SLIT3: variants seen among roughly 807,000 people sequenced by gnomAD.
SLIT3 encodes slit homolog 3 protein.
In SLIT3, 68 loss-of-function variants were observed where a neutral mutation model predicts 184.0. The observed-to-expected ratio is 0.37, with a 90% CI of 0.30 to 0.45. SLIT3 has a LOEUF of 0.45. Ranked by LOEUF, SLIT3 falls within the 20% of genes least tolerant of loss-of-function variation. SLIT3 has a pLI of 1.00. For missense variants in SLIT3, 1,707 were observed against 2,026.0 expected (o/e 0.84, Z 3.02); for synonymous variants, 831 against 828.6 (o/e 1.00, Z -0.05).
intron 4 of SLIT3, among the ~76,000 whole-genome samples, chr5:169,121,125 C>T (rs139342528): frequency 6.6e-6 from 1 of 152,290 alleles, no homozygotes; most frequent in East Asian, 1.9e-4. Context: ...ATTCCAAAGT[C>T]TATGTTCTCA....
intron 1 of SLIT3, among the ~76,000 whole-genome samples, chr5:169,276,372 G>C (rs914847223): frequency 2.6e-5 from 4 of 152,120 alleles, no homozygotes. Context: ...AGTGTGGTTG[G>C]CCTCCCATCT....
Position 168,855,583 on chromosome 5 carries a change from T to G in SLIT3, c.486-10928A>C, listed in dbSNP as rs149460410. Among the ~76,000 whole-genome samples, 64 of 152,334 alleles carry G rather than the reference T, an allele frequency of 4.2e-4. No homozygotes were observed. In the East Asian group the frequency reaches 7.1e-3, roughly 17 times the overall value. ...TGATGTATGCGGCAACATGGATGAC[T>G]CTTGAAAACATTACGCTAAGTGAAA... On this transcript the variant is annotated intron_variant, in intron 5 of 35. Transcript: ENST00000519560.
intron 3 of SLIT3, among the ~76,000 whole-genome samples, chr5:169,201,203 T>C (rs893164236): frequency 1.3e-5 from 2 of 152,218 alleles, no homozygotes; most frequent in African/African-American, 4.8e-5. Context: ...TTTTTTAGTT[T>C]GTAAGTTCTG....
intron 4 of SLIT3, among the ~76,000 whole-genome samples, chr5:168,944,504 C>T (rs937046136): frequency 1.3e-5 from 2 of 152,042 alleles, no homozygotes; most frequent in African/African-American, 4.8e-5. Flanking sequence ...GCACTGCTTC[C>T]CTTCTCATTT....
At chr5:169,208,329 G>C (rs1764145396) in intron 3 of SLIT3, among the ~76,000 whole-genome samples, 1 of 152,150 alleles carries the variant, frequency 6.6e-6, no homozygotes, top group Non-Finnish European at 1.5e-5. Context: ...ATTTCCTTGA[G>C]CAGTGGTTTG....
At chr5:169,160,757 A>G (rs948099694) in intron 4 of SLIT3, among the ~76,000 whole-genome samples, 4 of 151,986 alleles carry the variant, frequency 2.6e-5, no homozygotes, top group African/African-American at 7.3e-5. Context: ...TCCACATTTC[A>G]TTGCTCAGCT....
intron 35 of SLIT3, chr5:168,667,553 T>TG (rs1307989330): frequency 1.3e-5 from 2 of 152,264 alleles, no homozygotes; most frequent in Admixed American, 1.3e-4. Context: ...CTCTGGACCC[T>TG]GACCCAGCTT....
Position 169,137,061 on chromosome 5 carries a change from C to T in SLIT3, c.413+56418G>A, listed in dbSNP as rs937006977. 4.6e-5 allele frequency among the ~76,000 whole-genome samples: 7 copies of T among 152,022 alleles called. No homozygotes were observed. In the East Asian group the frequency reaches 1.2e-3, roughly 25 times the overall value. ...TTACCCAGAAAGCTTCACCAAGGGG[C>T]GAGCATGATTATGCATGAGCTTCTT... On this transcript the variant is annotated intron_variant, in intron 4 of 35. Coordinates refer to ENST00000519560, the MANE Select transcript of SLIT3 (RefSeq NM_003062.4).
intron 4 of SLIT3, among the ~76,000 whole-genome samples, chr5:168,957,738 C>T (rs538798586): frequency 5.3e-5 from 8 of 151,356 alleles, no homozygotes; most frequent in South Asian, 4.2e-4. Flanking sequence ...CAAGCTCCTC[C>T]GGTGATTCTG....
intron 20 of SLIT3, among the ~76,000 whole-genome samples, chr5:168,735,388 G>C (rs1273508700): frequency 6.6e-6 from 1 of 152,126 alleles, no homozygotes; most frequent in Non-Finnish European, 1.5e-5. Flanking sequence ...TTCCACTAGA[G>C]TCCTGGAGTG....
intron 4 of SLIT3, among the ~76,000 whole-genome samples, chr5:169,010,258 C>A (rs1756094352): frequency 6.6e-6 from 1 of 152,150 alleles, no homozygotes; most frequent in Non-Finnish European, 1.5e-5. Context: ...CTAGCCCTAA[C>A]AATGCCAGAT....
At chr5:168,707,756 G>C in intron 26 of SLIT3, 1 of 534,628 alleles carries the variant, frequency 1.9e-6, no homozygotes, top group Non-Finnish European at 3.4e-6. Context: ...GGACATCCTT[G>C]TCAAGACCAT....
rs978784478 is a variant in SLIT3 at position 169,281,425 on chromosome 5, G to A, written c.197+19088C>T. ...AGGGAGTCAGAGGTTGCAGTAGGCCGAGATGGCGCCACTGCACTCCAGCAT... is the reference window on the plus strand; with the variant it reads ...AGGGAGTCAGAGGTTGCAGTAGGCCAAGATGGCGCCACTGCACTCCAGCAT... On this transcript the variant is annotated intron_variant, in intron 1 of 35. Coordinates refer to ENST00000519560, the MANE Select transcript of SLIT3 (RefSeq NM_003062.4). Among the ~76,000 whole-genome samples the A allele has an allele frequency of 5.3e-5, 8 of 152,168 alleles. No homozygotes were observed. The East Asian group carries it at 1.4e-3, about 26-fold the overall frequency.
intron 4 of SLIT3, among the ~76,000 whole-genome samples, chr5:169,051,080 AC>A (rs1757798609): frequency 6.6e-6 from 1 of 152,218 alleles, no homozygotes; most frequent in Non-Finnish European, 1.5e-5. Flanking sequence ...GGTTGGCTGC[AC>A]CAGGAAGTTC....
intron 3 of SLIT3, among the ~76,000 whole-genome samples, chr5:169,223,854 A>C (rs1222132594): frequency 1.3e-5 from 2 of 152,086 alleles, no homozygotes; most frequent in Non-Finnish European, 1.5e-5. Flanking sequence ...TGTCTTCCGG[A>C]CCATCTGCAG....
chr5:168,686,302 G>C (rs1254505025), intron 30 of SLIT3, among the ~76,000 whole-genome samples: 2 of 152,162 alleles, frequency 1.3e-5, no homozygotes, highest in Non-Finnish European at 2.9e-5. Context: ...CATCAGAATT[G>C]CCTGGGGGTG....
In SLIT3 at chr5:168,855,840, T is replaced by C. The variant is rs116611111; in HGVS notation, c.486-11185A>G. 5.2e-3 allele frequency among the ~76,000 whole-genome samples: 785 copies of C among 152,270 alleles called. 8 individuals are homozygous for C. The highest frequency in any genetic ancestry group is 0.018 in the African/African-American group (748 of 41,554). The stretch of plus-strand genomic sequence containing the variant: ...ACTCTCTTTGCCTAAACTGACATTT[T>C]TTCCCCCTGAGTCTTGAGTGATTTT... On this transcript the variant is annotated intron_variant, in intron 5 of 35. Transcript: ENST00000519560.
intron 5 of SLIT3, among the ~76,000 whole-genome samples, chr5:168,882,235 G>A (rs530238199): frequency 3.3e-5 from 5 of 152,282 alleles, no homozygotes; most frequent in African/African-American, 9.6e-5. Flanking sequence ...AGGCTGCTGG[G>A]CAGAAGTGCT....
chr5:168,801,077 G>A (rs1290402995), intron 9 of SLIT3, among the ~76,000 whole-genome samples: 3 of 152,120 alleles, frequency 2.0e-5, no homozygotes, highest in African/African-American at 7.2e-5. Context: ...TAAAGTAAGA[G>A]GCAGAACAAG....
Sources: gnomAD v4.1 joint callset for allele counts (sites outside exome capture counted in the v4.1 genomes callset) on GRCh38, gnomAD v4.1.1 for gene constraint, MANE v1.5 for transcripts, NCBI Gene and HGNC (gene_info 2026-07-23, HGNC 2026-07-21) for gene names.